Variants in DTD1 observed in about 807,000 individuals in gnomAD.
DTD1 encodes the protein D-aminoacyl-tRNA deacylase 1.
DTD1 carries 13 observed loss-of-function variants against 25.6 expected under a neutral mutation model. That is an observed-to-expected ratio of 0.51 (90% CI 0.33 to 0.81). DTD1 has a LOEUF of 0.81. DTD1 is among the 30% of genes least tolerant of loss of function. The pLI is 0.02. For missense variants in DTD1, 193 were observed against 266.4 expected (o/e 0.72, Z 1.92); for synonymous variants, 110 against 103.6 (o/e 1.06, Z -0.37).
At chr20:18,691,314 C>T (rs2061046346) in intron 4 of DTD1, among the ~76,000 whole-genome samples, 5 of 152,130 alleles carry the variant, frequency 3.3e-5, no homozygotes, top group Admixed American at 6.5e-5. Context: ...GACACATGTA[C>T]TTATATGTTC....
intron 3 of DTD1, among the ~76,000 whole-genome samples, chr20:18,613,187 G>A (rs1322684819): frequency 6.6e-6 from 1 of 152,142 alleles, no homozygotes; most frequent in Non-Finnish European, 1.5e-5. Flanking sequence ...AGTCAGTTTT[G>A]TAACTTATCC....
rs373438387 is a variant in DTD1, at chr20:18,743,010, A to G, written c.478-1090A>G. Among the ~76,000 whole-genome samples the G allele has an allele frequency of 2.2e-4, 33 of 152,334 alleles. No individual in the cohort carries two copies. In the East Asian group the frequency reaches 4.8e-3, roughly 22 times the overall value. Reference sequence around the variant, plus strand: ...CTCTTGTGTTTTTTGGTCTAAGAAAATTCCGTGGTTCAAAACTTGGCCGGT... The same window carrying G: ...CTCTTGTGTTTTTTGGTCTAAGAAAGTTCCGTGGTTCAAAACTTGGCCGGT... On this transcript the variant is annotated intron_variant, in intron 4 of 5. Coordinates refer to ENST00000377452, the MANE Select transcript of DTD1 (RefSeq NM_080820.6).
At chr20:18,711,237 C>G (rs1236145291) in intron 4 of DTD1, among the ~76,000 whole-genome samples, 1 of 152,184 alleles carries the variant, frequency 6.6e-6, no homozygotes, top group African/African-American at 2.4e-5. Context: ...CTCCAGGGGC[C>G]TTCTGCACAA....
intron 5 of DTD1, among the ~76,000 whole-genome samples, chr20:18,753,373 C>A (rs1003203627): frequency 6.6e-6 from 1 of 151,850 alleles, no homozygotes; most frequent in Non-Finnish European, 1.5e-5. Flanking sequence ...TTTGGGAGGC[C>A]GAGGCGGGTG....
chr20:18,756,155 A>G (rs1326450572), intron 5 of DTD1, among the ~76,000 whole-genome samples: 8 of 152,168 alleles, frequency 5.3e-5, no homozygotes, highest in Non-Finnish European at 8.8e-5. Flanking sequence ...AGTTCATTGT[A>G]GATTCTGGAT....
intron 3 of DTD1, among the ~76,000 whole-genome samples, chr20:18,623,779 C>T (rs1365008617): frequency 6.6e-6 from 1 of 152,080 alleles, no homozygotes; most frequent in Non-Finnish European, 1.5e-5. Flanking sequence ...CCACTTCCCC[C>T]ATGTGTTCTA....
Position 18,765,472 on chromosome 20 carries a change from A to G in DTD1, c.*2132A>G, listed in dbSNP as rs1044717633. 6.6e-6 allele frequency: 1 copy of G among 152,244 alleles called. No homozygotes were observed. Among genetic ancestry groups the G allele is most frequent in the African/African-American group, 2.4e-5 (1 of 41,456 alleles). 9.4% of individuals were successfully genotyped at this position (152,244 alleles called of 1,614,324 possible). A position where few individuals can be genotyped will look rare whatever the true frequency, so the allele number is the denominator to read the frequency against. On this transcript the variant is annotated 3_prime_UTR_variant, in exon 6 of 6. Transcript: ENST00000377452. ...AAGAAAGCATTTACTACTTTTGTAA[A>G]CATTTTGGATTGAAGAGAACTTTTC...
At chr20:18,711,727 C>T (rs1192684890) in intron 4 of DTD1, among the ~76,000 whole-genome samples, 1 of 152,052 alleles carries the variant, frequency 6.6e-6, no homozygotes, top group Non-Finnish European at 1.5e-5. Flanking sequence ...CTTCATTGTG[C>T]TTATTTAGGT....
chr20:18,712,893 C>T (rs951425023), intron 4 of DTD1, among the ~76,000 whole-genome samples: 6 of 152,396 alleles, frequency 3.9e-5, no homozygotes, highest in Middle Eastern at 3.4e-3. Flanking sequence ...TACCTTGCCA[C>T]ATAAGGTACC....
chr20:18,752,093 C>T (rs982267171), intron 5 of DTD1, among the ~76,000 whole-genome samples: 1 of 151,934 alleles, frequency 6.6e-6, no homozygotes, highest in African/African-American at 2.4e-5. Flanking sequence ...CTCCTTACCC[C>T]ACCCCCAGCC....
intron 4 of DTD1, among the ~76,000 whole-genome samples, chr20:18,668,546 G>A (rs1369966011): frequency 1.3e-5 from 2 of 152,168 alleles, no homozygotes; most frequent in African/African-American, 4.8e-5. Flanking sequence ...TGTCGGTGAA[G>A]TTAGCTTGAC....
intron 3 of DTD1, among the ~76,000 whole-genome samples, chr20:18,618,352 T>C (rs1016458723): frequency 1.3e-5 from 2 of 151,768 alleles, no homozygotes; most frequent in Admixed American, 1.3e-4. Context: ...TTGTTTTTGT[T>C]TTTTTGTTTT....
rs953991440 is a variant in DTD1, at chr20:18,745,258, G to A, written c.*19+987G>A. On this transcript the variant is annotated intron_variant, in intron 5 of 5. Coordinates refer to ENST00000377452, the MANE Select transcript of DTD1 (RefSeq NM_080820.6). ...TTTATTCTTATTGTGGCTCACTGTA[G>A]CACGGAGTCCACCTCCCTGCCTGAA... is the stretch of plus-strand genomic sequence containing the variant. Among the ~76,000 whole-genome samples the A allele has an allele frequency of 2.0e-5, 3 of 152,164 alleles. No individual in the cohort carries two copies. The East Asian group carries it at 5.8e-4, about 29-fold the overall frequency.
intron 4 of DTD1, among the ~76,000 whole-genome samples, chr20:18,674,020 A>T (rs1244956490): frequency 1.3e-5 from 2 of 151,974 alleles, no homozygotes; most frequent in African/African-American, 4.8e-5. Context: ...ATTTCTCAGG[A>T]TTACCTTTTT....
intron 3 of DTD1, among the ~76,000 whole-genome samples, chr20:18,619,613 CAG>C (rs2060724859): frequency 6.6e-6 from 1 of 152,046 alleles, no homozygotes; most frequent in South Asian, 2.1e-4. Context: ...TTAGTAGAGA[CAG>C]GGTTTCACTG....
intron 3 of DTD1, among the ~76,000 whole-genome samples, chr20:18,619,676 C>T (rs962565545): frequency 6.6e-6 from 1 of 151,814 alleles, no homozygotes; most frequent in African/African-American, 2.4e-5. Flanking sequence ...CTGCCCGCCT[C>T]GGCCTCCCAA....
At chr20:18,691,709 C>T (rs1366272483) in intron 4 of DTD1, among the ~76,000 whole-genome samples, 1 of 152,184 alleles carries the variant, frequency 6.6e-6, no homozygotes, top group African/African-American at 2.4e-5. Flanking sequence ...TAAACCTCAG[C>T]ATCACACAAT....
intron 3 of DTD1, among the ~76,000 whole-genome samples, chr20:18,623,874 C>CTGTGTGTGTGTGTGTGTG (rs55984974): frequency 0.067 from 9,680 of 143,506 alleles, 385 homozygotes; most frequent in Middle Eastern, 0.085. Context: ...ACAAGAAGAA[C>CTGTGTGTGTGTGTGTGTG]TGTGTGTGTG....
intron 4 of DTD1, among the ~76,000 whole-genome samples, chr20:18,720,963 T>A (rs752284028): frequency 2.0e-5 from 3 of 152,230 alleles, no homozygotes; most frequent in African/African-American, 4.8e-5. Context: ...AACACCCTAA[T>A]GTTTTATAAT....
Sources: allele counts gnomAD v4.1 joint callset (sites outside exome capture counted in the v4.1 genomes callset), GRCh38; gene constraint gnomAD v4.1.1; transcripts MANE v1.5; gene names NCBI Gene and HGNC (gene_info 2026-07-23, HGNC 2026-07-21).